The following ZNF146 variants were observed in gnomAD, a reference collection of about 807,000 sequenced individuals.
ZNF146 encodes zinc finger protein OZF.
A neutral mutation model predicts 22.2 loss-of-function variants in ZNF146; 9 were observed. The observed-to-expected ratio is 0.41, with a 90% CI of 0.24 to 0.71. The LOEUF (loss-of-function observed/expected upper bound fraction) is 0.71, where lower values mean the gene tolerates loss of function less well. Ranked by LOEUF, ZNF146 falls within the 30% of genes least tolerant of loss-of-function variation. ZNF146 has a pLI of 0.34. For missense variants in ZNF146, 194 were observed against 344.8 expected (o/e 0.56, Z 3.46); for synonymous variants, 108 against 119.2 (o/e 0.91, Z 0.61).
chr19:36,232,420 C>A (rs1428287062), intron 3 of ZNF146, among the ~76,000 whole-genome samples: 1 of 152,030 alleles, frequency 6.6e-6, no homozygotes, highest in Non-Finnish European at 1.5e-5. Flanking sequence ...GAGGAACTTA[C>A]AAGTTCTCAG....
rs2145468367 is a variant in ZNF146 at position 36,236,257 on chromosome 19, A to G, written c.-184A>G. On this transcript the variant is annotated 5_prime_UTR_variant, in exon 4 of 4. It adds an upstream start codon to the 5' untranslated region. Coordinates refer to ENST00000443387, the MANE Select transcript of ZNF146 (RefSeq NM_007145.3). ...TTTTTCTAGAGAGAAAGCATTGAAT[A>G]TACTGAGTATGATAACATTTCCTCT... The G allele has an allele frequency of 1.5e-6, 1 of 682,676 alleles. No individual in the cohort carries two copies. The highest frequency in any genetic ancestry group is 2.3e-6 in the Non-Finnish European group (1 of 434,206). The allele number at this position is 682,676 out of a possible 1,614,324, so 42.3% of individuals were successfully genotyped here.
intron 2 of ZNF146, among the ~76,000 whole-genome samples, chr19:36,227,500 C>CA (rs1977126002): frequency 6.6e-6 from 1 of 151,728 alleles, no homozygotes; most frequent in South Asian, 2.1e-4. Context: ...CTTCCTGTCT[C>CA]AGCCTCCTGA....
chr19:36,217,841 C>T (rs1425181568), intron 1 of ZNF146, among the ~76,000 whole-genome samples: 2 of 150,190 alleles, frequency 1.3e-5, no homozygotes, highest in Non-Finnish European at 2.9e-5. Context: ...ACAGAGATTG[C>T]GCCATTGCAC....
intron 1 of ZNF146, among the ~76,000 whole-genome samples, chr19:36,215,473 G>A (rs185796991): frequency 8.9e-4 from 135 of 152,166 alleles, no homozygotes; most frequent in African/African-American, 3.1e-3. Context: ...CCAGCATTGA[G>A]GTATAACGTT....
intron 2 of ZNF146, among the ~76,000 whole-genome samples, chr19:36,225,490 C>T (rs1438026556): frequency 6.6e-6 from 1 of 151,876 alleles, no homozygotes; most frequent in Non-Finnish European, 1.5e-5. Context: ...CAGTTTTCAT[C>T]TGCTTTGTGA....
At chr19:36,229,492 T>G (rs755390872) in intron 3 of ZNF146, among the ~76,000 whole-genome samples, 2 of 152,190 alleles carry the variant, frequency 1.3e-5, no homozygotes, top group Non-Finnish European at 2.9e-5. Flanking sequence ...TCTTAACTCT[T>G]GACTCTTAGT....
chr19:36,227,346 G>A (rs915173431), intron 2 of ZNF146, among the ~76,000 whole-genome samples: 11 of 148,574 alleles, frequency 7.4e-5, no homozygotes, highest in African/African-American at 2.7e-4. Flanking sequence ...CAGAGATCAC[G>A]TCACTGCACT....
intron 3 of ZNF146, among the ~76,000 whole-genome samples, chr19:36,233,456 A>G (rs1436237700): frequency 2.6e-5 from 4 of 152,050 alleles, no homozygotes. Flanking sequence ...AGAGAAAGAA[A>G]AATGGGCCCA....
At chr19:36,226,219 C>T (rs1368541412) in intron 2 of ZNF146, among the ~76,000 whole-genome samples, 1 of 152,200 alleles carries the variant, frequency 6.6e-6, no homozygotes, top group Non-Finnish European at 1.5e-5. Context: ...CAGAAACCTA[C>T]ACTCTGAATG....
intron 2 of ZNF146, among the ~76,000 whole-genome samples, chr19:36,225,717 C>A (rs1977035755): frequency 6.8e-6 from 1 of 147,192 alleles, no homozygotes; most frequent in African/African-American, 2.5e-5. Context: ...GGATTACAGG[C>A]ATGAGCCACC....
intron 2 of ZNF146, among the ~76,000 whole-genome samples, chr19:36,220,418 G>A (rs1976786032): frequency 6.6e-6 from 1 of 151,504 alleles, no homozygotes; most frequent in Non-Finnish European, 1.5e-5. Context: ...AGGCTGGAGT[G>A]CAGTGGCACG....
At chr19:36,220,655 G>A (rs963548600) in intron 2 of ZNF146, among the ~76,000 whole-genome samples, 4 of 151,476 alleles carry the variant, frequency 2.6e-5, no homozygotes, top group Admixed American at 6.6e-5. Context: ...CGTGAGCCAC[G>A]GCGCCCGGCC....
Position 36,237,449 on chromosome 19 carries a change from A to G in ZNF146, c.*130A>G. On this transcript the variant is annotated 3_prime_UTR_variant, in exon 4 of 4. Transcript: ENST00000443387. ...AACTTTAACAAGTACTAAAAACTTA[A>G]GGGACACCAGAAAATTTGTACTGAA... The G allele has an allele frequency of 2.6e-6, 3 of 1,150,208 alleles. No individual in the cohort carries two copies. The highest frequency in any genetic ancestry group is 3.6e-6 in the Non-Finnish European group (3 of 836,512). The allele number at this position is 1,150,208 out of a possible 1,614,324, so 71.3% of individuals were successfully genotyped here. A position where few individuals can be genotyped will look rare whatever the true frequency, so the allele number is the denominator to read the frequency against.
At chr19:36,216,242 A>T (rs983009723) in intron 1 of ZNF146, among the ~76,000 whole-genome samples, 1 of 152,238 alleles carries the variant, frequency 6.6e-6, no homozygotes, top group Non-Finnish European at 1.5e-5. Context: ...CAGAACTATT[A>T]GGAAAGAACT....
intron 3 of ZNF146, among the ~76,000 whole-genome samples, chr19:36,231,363 C>T (rs1469062332): frequency 6.6e-6 from 1 of 152,118 alleles, no homozygotes; most frequent in African/African-American, 2.4e-5. Context: ...GTGCCCACCA[C>T]CACACCCGGC....
At chr19:36,232,416 C>T (rs1977421824) in intron 3 of ZNF146, among the ~76,000 whole-genome samples, 1 of 151,960 alleles carries the variant, frequency 6.6e-6, no homozygotes, top group South Asian at 2.1e-4. Context: ...TCCAGAGGAA[C>T]TTACAAGTTC....
chr19:36,217,187 C>T (rs1050391051), intron 1 of ZNF146, among the ~76,000 whole-genome samples: 1 of 87,946 alleles, frequency 1.1e-5, no homozygotes, highest in Non-Finnish European at 2.4e-5. Context: ...CTCAGCCTCC[C>T]GAGTAGCTGG....
intron 3 of ZNF146, among the ~76,000 whole-genome samples, chr19:36,234,719 C>G (rs1246229257): frequency 1.3e-5 from 2 of 152,164 alleles, no homozygotes; most frequent in Non-Finnish European, 2.9e-5. Context: ...TTGTCTTCAG[C>G]TGCAGAATGG....
chr19:36,223,448 C>T lies in ZNF146; in HGVS notation c.-855+5253C>T, dbSNP rs375279042. ...TGCGATTTCGGCTCACTGCAAGCTC[C>T]GCCTCCCGGGTTCACGCCATTCTCC... On this transcript the variant is annotated intron_variant, in intron 2 of 3. Coordinates refer to ENST00000443387, the MANE Select transcript of ZNF146 (RefSeq NM_007145.3). Among the ~76,000 whole-genome samples the T allele has an allele frequency of 2.7e-4, 41 of 151,894 alleles. No homozygotes were observed. The South Asian group carries it at 7.7e-3, about 29-fold the overall frequency.
Sources: gnomAD v4.1 joint callset for allele counts (sites outside exome capture counted in the v4.1 genomes callset) on GRCh38, gnomAD v4.1.1 for gene constraint, MANE v1.5 for transcripts, NCBI Gene and HGNC (gene_info 2026-07-23, HGNC 2026-07-21) for gene names.